The following DPP6 variants were observed in gnomAD, a reference collection of about 807,000 sequenced individuals.
DPP6 encodes A-type potassium channel modulatory protein DPP6.
A neutral mutation model predicts 122.6 loss-of-function variants in DPP6; 69 were observed. The ratio of observed to expected loss-of-function variants is 0.56; its 90% CI spans 0.46 to 0.69. The LOEUF (loss-of-function observed/expected upper bound fraction) is 0.69. Among genes scored for constraint, DPP6 ranks in the 30% least tolerant of loss-of-function variants. The pLI is 0.00. For synonymous variants in DPP6, 418 were observed against 433.1 expected (o/e 0.97, Z 0.43); for missense variants, 928 against 1,116.9 (o/e 0.83, Z 2.41).
chr7:153,870,616 T>A, the DPP6 span, among the ~76,000 whole-genome samples: 1 of 152,052 alleles, frequency 6.6e-6, no homozygotes, highest in East Asian at 1.9e-4. Flanking sequence ...TAGCTCAGAG[T>A]AGTTTGATCT....
At chr7:154,334,014 T>C (rs1809176854) in intron 1 of DPP6, among the ~76,000 whole-genome samples, 1 of 152,222 alleles carries the variant, frequency 6.6e-6, no homozygotes, top group Non-Finnish European at 1.5e-5. Flanking sequence ...CTTAATAGTA[T>C]AAATACAAAA....
At position 154,880,841 on chromosome 7, in the gene DPP6, G is replaced by C. The variant is rs4960632; in HGVS notation, c.2079-47G>C. ...CTCTGGGCTACAGGAAGACAAAGTG[G>C]CAGCAGGATGTGCACTGAACCCTCT... On this transcript the variant is annotated intron_variant, in intron 20 of 25. Coordinates refer to ENST00000377770, the MANE Select transcript of DPP6 (RefSeq NM_130797.4). 507,512 of 1,613,394 alleles carry C rather than the reference G, an allele frequency of 0.31. 84,404 individuals are homozygous for C. Among genetic ancestry groups the C allele is most frequent in the East Asian group, 0.53 (23,826 of 44,850 alleles).
intron 17 of DPP6, among the ~76,000 whole-genome samples, chr7:154,855,966 G>C (rs1337096315): frequency 6.6e-6 from 1 of 152,146 alleles, no homozygotes; most frequent in South Asian, 2.1e-4. Context: ...GTGTCCAATG[G>C]AGCTCACAGC....
chr7:153,819,077 C>CTTT, the DPP6 span, among the ~76,000 whole-genome samples: 11,274 of 99,660 alleles, frequency 0.11, 733 homozygotes, highest in East Asian at 0.17. Flanking sequence ...CTTTTCTTTT[C>CTTT]TTTTTTTTTT....
In DPP6 at chr7:154,062,952, A is replaced by G. The variant is rs1265558263; in HGVS notation, c.243+9889A>G. ...GTTAGTTGTCCAGGTAGAAATTTCA[A>G]ATCTTCCGACGGCAGGTACCTTACG... On this transcript the variant is annotated intron_variant, in intron 1 of 25. Coordinates refer to ENST00000377770, the MANE Select transcript of DPP6 (RefSeq NM_130797.4). 4.5e-5 allele frequency among the ~76,000 whole-genome samples: 6 copies of G among 133,316 alleles called. 1 individual carries two copies. Among genetic ancestry groups the G allele is most frequent in the Non-Finnish European group, 8.2e-5 (5 of 60,998 alleles). 87.5% of individuals were successfully genotyped at this position (133,316 alleles called of 152,430 possible). A position where few individuals can be genotyped will look rare whatever the true frequency, so the allele number is the denominator to read the frequency against.
chr7:154,245,870 A>T (rs1341309045), intron 1 of DPP6, among the ~76,000 whole-genome samples: 1 of 152,190 alleles, frequency 6.6e-6, no homozygotes, highest in Admixed American at 6.5e-5. Context: ...TCACTCAGTA[A>T]CTGTTAGAAC....
At chr7:154,625,100 A>G (rs1376579589) in intron 5 of DPP6, among the ~76,000 whole-genome samples, 4 of 152,240 alleles carry the variant, frequency 2.6e-5, no homozygotes, top group African/African-American at 9.6e-5. Context: ...TCAGAAACTG[A>G]GCAGGTAATC....
chr7:154,397,599 C>CCACTTCATGCTGTTAA (rs1815201475), intron 1 of DPP6, among the ~76,000 whole-genome samples: 3 of 152,314 alleles, frequency 2.0e-5, no homozygotes, highest in East Asian at 1.9e-4. Flanking sequence ...TCATATGCCT[C>CCACTTCATGCTGTTAA]CACTTCATGC....
At chr7:153,944,134 C>A (rs1178575696) in intron 1 of DPP6, among the ~76,000 whole-genome samples, 4 of 152,186 alleles carry the variant, frequency 2.6e-5, no homozygotes, top group African/African-American at 9.6e-5. Flanking sequence ...TCGTAAAGCC[C>A]TGGAGCACGA....
intron 1 of DPP6, among the ~76,000 whole-genome samples, chr7:154,214,175 G>T (rs1040739512): frequency 2.0e-5 from 3 of 152,230 alleles, no homozygotes; most frequent in African/African-American, 7.2e-5. Context: ...ACACAGTTCA[G>T]ATATGTGTTT....
At chr7:154,250,045 A>C (rs1258352521) in intron 1 of DPP6, among the ~76,000 whole-genome samples, 3 of 152,104 alleles carry the variant, frequency 2.0e-5, no homozygotes, top group African/African-American at 7.2e-5. Context: ...GCACTGTGAA[A>C]ATCCCTGTCC....
chr7:154,714,081 C>T (rs920769136), intron 7 of DPP6, among the ~76,000 whole-genome samples: 2 of 152,226 alleles, frequency 1.3e-5, no homozygotes, highest in Non-Finnish European at 1.5e-5. Context: ...ATCTTTACTT[C>T]AGTTCCCAAC....
intron 10 of DPP6, among the ~76,000 whole-genome samples, chr7:154,781,960 T>C (rs1797055093): frequency 6.6e-6 from 1 of 152,248 alleles, no homozygotes; most frequent in Non-Finnish European, 1.5e-5. Context: ...AAAATTGATA[T>C]GCTTCTCACC....
At position 154,361,607 on chromosome 7, in the gene DPP6, A is replaced by G. The variant is rs370339562; in HGVS notation, c.244-84607A>G. 1.8e-3 allele frequency among the ~76,000 whole-genome samples: 276 copies of G among 151,168 alleles called. 2 individuals are homozygous for G. The highest frequency in any genetic ancestry group is 3.1e-3 in the Non-Finnish European group (209 of 67,730). Reference sequence around the variant, plus strand: ...ATCTTGAGAATAATTGCTAGCCAAAAAAAAAAAAAAAAAAAAAGAATTGGG... The same window carrying G: ...ATCTTGAGAATAATTGCTAGCCAAAGAAAAAAAAAAAAAAAAAGAATTGGG... On this transcript the variant is annotated intron_variant, in intron 1 of 25. Transcript: ENST00000377770.
At chr7:154,575,420 G>GGTGTGTA in intron 5 of DPP6, among the ~76,000 whole-genome samples, 1 of 128,530 alleles carries the variant, frequency 7.8e-6, no homozygotes, top group South Asian at 3.4e-4. Flanking sequence ...TTGTGTATGT[G>GGTGTGTA]TGTGTGGTGT....
chr7:154,500,527 C>T (rs1012687391), intron 3 of DPP6, among the ~76,000 whole-genome samples: 17 of 152,076 alleles, frequency 1.1e-4, no homozygotes, highest in Middle Eastern at 3.2e-3. Context: ...ATCTTTCCTG[C>T]GTTGTTCTCC....
chr7:154,587,778 TC>T, intron 5 of DPP6: 1 of 1,608,386 alleles, frequency 6.2e-7, no homozygotes, highest in African/African-American at 1.3e-5. Context: ...CCATGTCTCT[TC>T]CTCTTCACTG....
chr7:154,303,415 G>GTGTAAGACCTTACACGT (rs1806043653), intron 1 of DPP6, among the ~76,000 whole-genome samples: 1 of 152,126 alleles, frequency 6.6e-6, no homozygotes, highest in Non-Finnish European at 1.5e-5. Flanking sequence ...CACCGCAGTG[G>GTGTAAGACCTTACACGT]CTCCCAGGGC....
intron 1 of DPP6, among the ~76,000 whole-genome samples, chr7:154,005,698 G>C (rs1390779822): frequency 6.9e-6 from 1 of 145,092 alleles, no homozygotes; most frequent in Non-Finnish European, 1.5e-5. Flanking sequence ...GCTGGTGGGG[G>C]CTGGGGGGCT....
Sources: gnomAD v4.1 joint callset for allele counts (sites outside exome capture counted in the v4.1 genomes callset) on GRCh38, gnomAD v4.1.1 for gene constraint, MANE v1.5 for transcripts, NCBI Gene and HGNC (gene_info 2026-07-23, HGNC 2026-07-21) for gene names.